The following STAG1 variants were observed in gnomAD, a reference collection of about 807,000 sequenced individuals.
The protein encoded by STAG1 is cohesin subunit SA-1.
STAG1 carries 26 observed loss-of-function variants against 170.9 expected under a neutral mutation model. That is an observed-to-expected ratio of 0.15 (90% CI 0.11 to 0.21). The LOEUF (loss-of-function observed/expected upper bound fraction) is 0.21. STAG1 is among the 10% of genes least tolerant of loss of function. STAG1 has a pLI of 1.00. For missense variants in STAG1, 964 were observed against 1,509.5 expected, an observed-to-expected ratio of 0.64 and a Z score of 5.99; for synonymous variants, 514 against 497.7, an observed-to-expected ratio of 1.03 and a Z score of -0.44.
At chr3:136,686,975 A>C (rs1942551145) in intron 1 of STAG1, among the ~76,000 whole-genome samples, 1 of 152,190 alleles carries the variant, frequency 6.6e-6, no homozygotes, top group African/African-American at 2.4e-5. Context: ...ATAAGGGGCT[A>C]ACTGATCCAA....
At chr3:136,397,150 C>A (rs1468159202) in intron 22 of STAG1, among the ~76,000 whole-genome samples, 1 of 152,144 alleles carries the variant, frequency 6.6e-6, no homozygotes, top group Non-Finnish European at 1.5e-5. Context: ...ATACTAATAT[C>A]TTTATTTGGT....
chr3:136,415,328 G>A (rs73224195), intron 21 of STAG1, among the ~76,000 whole-genome samples: 1 of 84,524 alleles, frequency 1.2e-5, no homozygotes, highest in East Asian at 4.0e-4. Context: ...AAAAACAAAA[G>A]ACAAACAAAA....
At chr3:136,695,309 A>AT (rs35774127) in intron 1 of STAG1, among the ~76,000 whole-genome samples, 99,560 of 151,810 alleles carry the variant, frequency 0.66, 34,953 homozygotes, top group African/African-American at 0.9. Flanking sequence ...GTGGTGGTGC[A>AT]GCCTGTAGTC....
At chr3:136,641,649 G>A (rs1017449866) in intron 1 of STAG1, among the ~76,000 whole-genome samples, 3 of 152,210 alleles carry the variant, frequency 2.0e-5, no homozygotes, top group Non-Finnish European at 4.4e-5. Flanking sequence ...GTAAGGCTAA[G>A]GAACTGTCCC....
At chr3:136,724,162 G>GC (rs1229421373) in intron 1 of STAG1, among the ~76,000 whole-genome samples, 13 of 148,782 alleles carry the variant, frequency 8.7e-5, no homozygotes, top group East Asian at 4.2e-4. Context: ...GAATAGAGGA[G>GC]GGGAGAAAGG....
At chr3:136,498,284 T>A (rs7431231) in intron 9 of STAG1, among the ~76,000 whole-genome samples, 2 of 87,070 alleles carry the variant, frequency 2.3e-5, no homozygotes, top group African/African-American at 5.4e-5. Flanking sequence ...CACACACACA[T>A]ACACACACAC....
chr3:136,359,466 CTTGAG>C (rs1420397542), intron 26 of STAG1, among the ~76,000 whole-genome samples, 170 bp from the exon 27 acceptor site: 3 of 152,204 alleles, frequency 2.0e-5, no homozygotes, highest in East Asian at 1.9e-4. Flanking sequence ...TTATTAATAG[CTTGAG>C]TTAATTTTCA....
chr3:136,662,583 C>G (rs900083701), intron 1 of STAG1, among the ~76,000 whole-genome samples: 1 of 151,998 alleles, frequency 6.6e-6, no homozygotes, highest in Admixed American at 6.6e-5. Flanking sequence ...GTAGCCAGGA[C>G]TCTAGGAGCG....
At chr3:136,691,441 A>C (rs1261506787) in intron 1 of STAG1, among the ~76,000 whole-genome samples, 1 of 152,084 alleles carries the variant, frequency 6.6e-6, no homozygotes, top group East Asian at 1.9e-4. Flanking sequence ...AAAAAAAAAA[A>C]AAATTAGCTG....
At chr3:136,678,732 GC>G (rs1189377294) in intron 1 of STAG1, among the ~76,000 whole-genome samples, 1 of 151,418 alleles carries the variant, frequency 6.6e-6, no homozygotes, top group Admixed American at 6.6e-5. Flanking sequence ...AAAATTAGGT[GC>G]CATGTGTGGT....
At chr3:136,559,756 A>G (rs1936766308) in intron 5 of STAG1, among the ~76,000 whole-genome samples, 1 of 152,234 alleles carries the variant, frequency 6.6e-6, no homozygotes, top group Admixed American at 6.5e-5. Flanking sequence ...ATTCCTGTTG[A>G]TAATGCCCTA....
chr3:136,371,434 C>A (rs970329140), intron 23 of STAG1, among the ~76,000 whole-genome samples: 2 of 152,126 alleles, frequency 1.3e-5, no homozygotes, highest in African/African-American at 4.8e-5. Flanking sequence ...CTTGCCTGTG[C>A]CTATGTCCTG....
intron 1 of STAG1, among the ~76,000 whole-genome samples, chr3:136,661,477 A>G (rs1332663220): frequency 6.6e-6 from 1 of 152,218 alleles, no homozygotes; most frequent in Non-Finnish European, 1.5e-5. Flanking sequence ...TTCAGTGTCA[A>G]CAAGGGAAAA....
At chr3:136,630,832 C>T in intron 2 of STAG1, 38 bp downstream of exon 2, 1 of 1,455,796 alleles carries the variant, frequency 6.9e-7, no homozygotes, top group Non-Finnish European at 9.3e-7. Context: ...CAAAATTTTC[C>T]TTAAAAAATA....
At chr3:136,354,184 A>G (rs965770824) in intron 28 of STAG1, among the ~76,000 whole-genome samples, 1 of 152,212 alleles carries the variant, frequency 6.6e-6, no homozygotes, top group Non-Finnish European at 1.5e-5. Context: ...TTTCTAATAT[A>G]TATAGATGGA....
chr3:136,528,280 T>C (rs964841576), intron 6 of STAG1, among the ~76,000 whole-genome samples: 1 of 152,084 alleles, frequency 6.6e-6, no homozygotes, highest in African/African-American at 2.4e-5. Flanking sequence ...GCCTCAGCAA[T>C]GGCAGGCGAC....
intron 12 of STAG1, among the ~76,000 whole-genome samples, chr3:136,466,363 C>A (rs1204841773): frequency 2.6e-5 from 4 of 152,152 alleles, no homozygotes; most frequent in Admixed American, 6.6e-5. Context: ...AATGCACAAG[C>A]TTCAGTAGCC....
At chr3:136,635,715 G>A (rs956008743) in intron 1 of STAG1, among the ~76,000 whole-genome samples, 1 of 152,064 alleles carries the variant, frequency 6.6e-6, no homozygotes, top group Admixed American at 6.5e-5. Context: ...TAGAAAATCT[G>A]AAAGAACTGA....
In STAG1 at chr3:136,447,205, C is replaced by T. The variant is rs149536555; in HGVS notation, c.1429-3801G>A. On this transcript the variant is annotated intron_variant, in intron 14 of 33. Coordinates refer to ENST00000383202, the MANE Select transcript of STAG1 (RefSeq NM_005862.3). ...CCTCATTCATAAGAAGGGTGACTGG[C>T]TGGGCGTGGTGGCTCACGCCTGTAA... Among the ~76,000 whole-genome samples the T allele has an allele frequency of 4.2e-3, 632 of 151,394 alleles. 5 individuals carry two copies. Among genetic ancestry groups the T allele is most frequent in the African/African-American group, 0.015 (604 of 41,358 alleles).
Sources: allele counts gnomAD v4.1 joint callset (sites outside exome capture counted in the v4.1 genomes callset), GRCh38; gene constraint gnomAD v4.1.1; transcripts MANE v1.5; gene names NCBI Gene and HGNC (gene_info 2026-07-23, HGNC 2026-07-21).